TAF15: variants seen among roughly 807,000 people sequenced by gnomAD.
TAF15 encodes TATA-box binding protein associated factor 15.
Under a neutral mutation model 102.5 loss-of-function variants are expected in TAF15, and 37 were observed. The observed-to-expected ratio is 0.36, with a 90% CI of 0.28 to 0.47. The LOEUF is 0.47. Among genes scored for constraint, TAF15 ranks in the 20% least tolerant of loss-of-function variants. The pLI is 0.99. For synonymous variants in TAF15, 273 were observed against 259.2 expected, an observed-to-expected ratio of 1.05 and a Z score of -0.51; for missense variants, 652 against 760.7, an observed-to-expected ratio of 0.86 and a Z score of 1.68.
chr17:35,824,430 AAC>A (rs1315269164), intron 7 of TAF15: 1 of 547,128 alleles, frequency 1.8e-6, no homozygotes, highest in Non-Finnish European at 3.2e-6. Context: ...GTACATGTTA[AAC>A]ACCAGTAGAG....
At position 35,833,909 on chromosome 17, in the gene TAF15, G is replaced by A; in HGVS notation, c.608G>A (p.Gly203Asp). 6.2e-7 allele frequency: 1 copy of A among 1,613,872 alleles called. No homozygotes were observed. Among genetic ancestry groups the A allele is most frequent in the Non-Finnish European group, 8.5e-7 (1 of 1,179,944 alleles). The change falls in exon 8 of 16, where the codon GGT (glycine) becomes GAT (aspartate). Residue 203 changes from glycine (G) to aspartate (D), a missense_variant and splice_region_variant. Gly to Asp is a moderately conservative substitution (Grantham distance 94). Coordinates refer to ENST00000605844, the MANE Select transcript of TAF15 (RefSeq NM_139215.3). ...TTTCTTCAATTTTTCCTCTGCAGTG[G>A]TGGTGACCGCGGTGGCTTCAAAAAT... The part of the protein sequence containing the change: ...DGRGPMTGSS[G>D]GDRGGFKNFG...
chr17:35,835,377 AT>A (rs1234719246), intron 9 of TAF15, among the ~76,000 whole-genome samples: 3 of 152,152 alleles, frequency 2.0e-5, no homozygotes, highest in Non-Finnish European at 2.9e-5. Flanking sequence ...GAGGTCACTA[AT>A]TTTCTGTGGC....
At chr17:35,817,291 C>T (rs2087207364) in intron 1 of TAF15, 1 of 167,858 alleles carries the variant, frequency 6.0e-6, no homozygotes, top group African/African-American at 2.4e-5. Flanking sequence ...CAGTCCAATA[C>T]AGAGGAATGG....
At chr17:35,839,214 G>A (rs1489127596) in intron 11 of TAF15, among the ~76,000 whole-genome samples, 2 of 149,816 alleles carry the variant, frequency 1.3e-5, no homozygotes, top group African/African-American at 2.5e-5. Flanking sequence ...CCAGGAAGTC[G>A]TGGCTGCAGT....
chr17:35,821,907 TAAGAG>T (rs1241114837), intron 5 of TAF15, among the ~76,000 whole-genome samples: 2 of 152,222 alleles, frequency 1.3e-5, no homozygotes, highest in Non-Finnish European at 2.9e-5. Flanking sequence ...AAAAATATTT[TAAGAG>T]AAGACACTTG....
chr17:35,815,580 G>A (rs1358035298), intron 1 of TAF15, among the ~76,000 whole-genome samples: 1 of 152,140 alleles, frequency 6.6e-6, no homozygotes, highest in African/African-American at 2.4e-5. Context: ...CTAAAATTTT[G>A]CCTGAACCTA....
chr17:35,844,705 G>T lies in TAF15; in HGVS notation c.1406G>T (p.Gly469Val). The change falls in exon 15 of 16, where the codon GGC becomes GTC. Residue 469 changes from glycine to valine, a missense_variant. Transcript: ENST00000605844. The stretch of plus-strand genomic sequence containing the variant: ...GGCGGCTATGGTGGGGACAGAGGAG[G>T]CGGCTATGGAGGAGACCGAGGAGGT... ...RGGGYGGDRG[G>V]GYGGDRGGGY... 1 of 1,608,954 alleles carries T rather than the reference G, an allele frequency of 6.2e-7. No homozygotes were observed. Among genetic ancestry groups the T allele is most frequent in the Non-Finnish European group, 8.5e-7 (1 of 1,177,790 alleles).
intron 1 of TAF15, among the ~76,000 whole-genome samples, chr17:35,812,681 A>G (rs1347073719): frequency 6.6e-6 from 1 of 152,112 alleles, no homozygotes; most frequent in Non-Finnish European, 1.5e-5. Flanking sequence ...GCCTTGCAAA[A>G]GATATGTTCA....
At chr17:35,809,949 C>A (rs2087105627) in intron 1 of TAF15, 1 of 405,868 alleles carries the variant, frequency 2.5e-6, no homozygotes, top group South Asian at 2.7e-5. Flanking sequence ...TTCTGGTTCT[C>A]CGCTCCGCCT....
intron 5 of TAF15, among the ~76,000 whole-genome samples, chr17:35,820,733 A>G (rs574688989): frequency 2.0e-5 from 3 of 152,268 alleles, no homozygotes; most frequent in Admixed American, 2.0e-4. Flanking sequence ...TGTCTTTAGA[A>G]TTAAGACTTC....
intron 10 of TAF15, among the ~76,000 whole-genome samples, chr17:35,837,876 T>C (rs149510555): frequency 1.3e-5 from 2 of 152,122 alleles, no homozygotes; most frequent in South Asian, 4.1e-4. Flanking sequence ...TTAATTTCTG[T>C]GGATTTAAAG....
chr17:35,828,041 A>G (rs1285731598), intron 7 of TAF15, among the ~76,000 whole-genome samples: 2 of 152,236 alleles, frequency 1.3e-5, no homozygotes, highest in African/African-American at 4.8e-5. Flanking sequence ...TGTGATTAAC[A>G]CCTTCTAAAA....
rs1178508312 is a variant in TAF15 at position 35,838,273 on chromosome 17, T to C, written c.784-151T>C. The stretch of plus-strand genomic sequence containing the variant: ...AGTGTAGCTTAGAGAGTTATGCTTG[T>C]CTAAACCTACAGGTAACTTATTAGG... On this transcript the variant is annotated intron_variant, in intron 10 of 15. Transcript: ENST00000605844. The C allele has an allele frequency of 1.6e-5, 15 of 967,106 alleles. No homozygotes were observed. In the East Asian group the frequency reaches 3.9e-4, roughly 25 times the overall value. The allele number at this position is 967,106 out of a possible 1,614,324, so 59.9% of individuals were successfully genotyped here. A position where few individuals can be genotyped will look rare whatever the true frequency, so the allele number is the denominator to read the frequency against.
chr17:35,813,185 CAAGT>C (rs1167396582), intron 1 of TAF15, among the ~76,000 whole-genome samples: 2 of 147,208 alleles, frequency 1.4e-5, no homozygotes, highest in Non-Finnish European at 3.0e-5. Flanking sequence ...GAAAAAGAAT[CAAGT>C]AAAACGTTTA....
chr17:35,838,634 C>T (rs1555618779), intron 11 of TAF15, 81 bp downstream of exon 11: 3 of 1,595,092 alleles, frequency 1.9e-6, no homozygotes, highest in Non-Finnish European at 2.6e-6. Flanking sequence ...CTCTGGGTGA[C>T]AGTGATTATA....
At chr17:35,824,860 T>A (rs1255628306) in intron 7 of TAF15, among the ~76,000 whole-genome samples, 1 of 152,272 alleles carries the variant, frequency 6.6e-6, no homozygotes, top group South Asian at 2.1e-4. Flanking sequence ...TTACAGCATA[T>A]GTTATGAAGC....
intron 6 of TAF15, chr17:35,823,763 G>T: frequency 2.8e-6 from 1 of 357,084 alleles, no homozygotes; most frequent in East Asian, 6.2e-5. Context: ...AGTTACTAAG[G>T]TTCTTGTAGC....
chr17:35,824,237 T>C, intron 7 of TAF15, 39 bp downstream of exon 7: 1 of 1,588,598 alleles, frequency 6.3e-7, no homozygotes, highest in Non-Finnish European at 8.5e-7. Context: ...TTCTTCTTCT[T>C]CCTCTTTTTT....
chr17:35,842,522 C>CT lies in TAF15; in HGVS notation c.1006+64dup, dbSNP rs1462229527. The CT allele has an allele frequency of 1.4e-5, 19 of 1,311,022 alleles. No homozygotes were observed. The African/African-American group carries it at 2.5e-4, about 17-fold the overall frequency. 81.2% of individuals were successfully genotyped at this position (1,311,022 alleles called of 1,614,324 possible). On this transcript the variant is annotated intron_variant, in intron 12 of 15. Coordinates refer to ENST00000605844, the MANE Select transcript of TAF15 (RefSeq NM_139215.3). ...AAGGGTTTAAGTTTGAGTTCATACT[C>CT]TGTTTCTATTTGTGTGAACTTGCTA...
Sources: allele counts gnomAD v4.1 joint callset (sites outside exome capture counted in the v4.1 genomes callset), GRCh38; gene constraint gnomAD v4.1.1; transcripts MANE v1.5; gene names NCBI Gene and HGNC (gene_info 2026-07-23, HGNC 2026-07-21).